NTM: variants seen among roughly 807,000 people sequenced by gnomAD.
The protein encoded by NTM is IgLON family member 2.
In NTM, 13 loss-of-function variants were observed where a neutral mutation model predicts 42.1. That is an observed-to-expected ratio of 0.31 (90% CI 0.20 to 0.49). The LOEUF is 0.49. NTM is among the 20% of genes least tolerant of loss of function. The pLI is 0.99. For synonymous variants in NTM, 187 were observed against 179.2 expected (o/e 1.04, Z -0.35); for missense variants, 373 against 452.8 (o/e 0.82, Z 1.60).
intron 1 of NTM, among the ~76,000 whole-genome samples, chr11:131,593,291 C>T (rs1274854324): frequency 6.6e-6 from 1 of 152,154 alleles, no homozygotes; most frequent in African/African-American, 2.4e-5. Flanking sequence ...CTGGAGATTA[C>T]AGGGAGAATT....
chr11:131,560,391 T>G (rs901784101), intron 1 of NTM, among the ~76,000 whole-genome samples: 1 of 152,182 alleles, frequency 6.6e-6, no homozygotes, highest in Non-Finnish European at 1.5e-5. Flanking sequence ...GTAGCCAGAA[T>G]ATATGTTCCA....
chr11:131,416,529 C>G (rs1946976229), intron 1 of NTM, among the ~76,000 whole-genome samples: 1 of 152,150 alleles, frequency 6.6e-6, no homozygotes. Context: ...ATTTTCTACT[C>G]ACTATGCTTG....
At chr11:131,738,187 G>A (rs1477263500) in intron 1 of NTM, among the ~76,000 whole-genome samples, 1 of 152,152 alleles carries the variant, frequency 6.6e-6, no homozygotes, top group African/African-American at 2.4e-5. Context: ...TCTTCTTTTG[G>A]ATGGACATGT....
At chr11:131,794,079 G>A (rs2091273901) in intron 1 of NTM, among the ~76,000 whole-genome samples, 1 of 152,164 alleles carries the variant, frequency 6.6e-6, no homozygotes, top group Admixed American at 6.5e-5. Context: ...CTGAACTCAT[G>A]GACGGTTCTC....
intron 1 of NTM, among the ~76,000 whole-genome samples, chr11:131,633,126 A>G (rs1348420307): frequency 6.6e-6 from 1 of 152,188 alleles, no homozygotes; most frequent in Non-Finnish European, 1.5e-5. Context: ...TGTTTGAAGC[A>G]CATCTTAATG....
At chr11:131,735,907 C>G (rs1202317132) in intron 1 of NTM, among the ~76,000 whole-genome samples, 1 of 151,774 alleles carries the variant, frequency 6.6e-6, no homozygotes, top group Non-Finnish European at 1.5e-5. Flanking sequence ...TGCTTTGTCT[C>G]ACTGCAACCT....
chr11:131,628,486 A>G (rs1263375653), intron 1 of NTM, among the ~76,000 whole-genome samples: 2 of 152,216 alleles, frequency 1.3e-5, no homozygotes, highest in African/African-American at 4.8e-5. Context: ...TTTAGGTAGA[A>G]TCACGAGTGT....
chr11:132,186,344 C>T (rs1341005283), intron 3 of NTM, among the ~76,000 whole-genome samples: 1 of 152,174 alleles, frequency 6.6e-6, no homozygotes, highest in Non-Finnish European at 1.5e-5. Context: ...CAGTGGATGG[C>T]CAGCCCCTAT....
chr11:132,132,657 T>G (rs1347087322), intron 2 of NTM, among the ~76,000 whole-genome samples: 1 of 152,190 alleles, frequency 6.6e-6, no homozygotes, highest in East Asian at 1.9e-4. Flanking sequence ...AATACTTACA[T>G]GGACCCTCAT....
intron 2 of NTM, among the ~76,000 whole-genome samples, chr11:132,084,726 G>T (rs1443625837): frequency 6.6e-6 from 1 of 152,202 alleles, no homozygotes; most frequent in Non-Finnish European, 1.5e-5. Context: ...TCCAAAAAAT[G>T]TCTCCTGTCT....
chr11:131,683,940 C>T (rs1430957294), intron 1 of NTM, among the ~76,000 whole-genome samples: 4 of 152,112 alleles, frequency 2.6e-5, no homozygotes, highest in South Asian at 2.1e-4. Context: ...TTAGAAAGGG[C>T]GTTCTGAAGG....
chr11:131,670,970 C>T (rs75531585), intron 1 of NTM, among the ~76,000 whole-genome samples: 363 of 152,250 alleles, frequency 2.4e-3, no homozygotes, highest in African/African-American at 8.1e-3. Context: ...TGAAAACAGA[C>T]GTCCTTCCCT....
Position 132,152,103 on chromosome 11 carries a change from C to T in NTM, c.400+5589C>T, listed in dbSNP as rs575789237. ...GTAGCTACACCCTAGAGACCCCTCC[C>T]CACTCTGAATCTGAACTGAAGGTAA... is the stretch of plus-strand genomic sequence containing the variant. On this transcript the variant is annotated intron_variant, in intron 3 of 8. Coordinates refer to ENST00000683400, the MANE Select transcript of NTM (RefSeq NM_001352005.2). Among the ~76,000 whole-genome samples, 7 of 152,314 alleles carry T rather than the reference C, an allele frequency of 4.6e-5. No individual in the cohort carries two copies. In the South Asian group the frequency reaches 1.2e-3, roughly 27 times the overall value.
chr11:131,699,918 G>A (rs1388163886), intron 1 of NTM, among the ~76,000 whole-genome samples: 1 of 82,060 alleles, frequency 1.2e-5, no homozygotes, highest in African/African-American at 7.0e-5. Context: ...AGGTGTGTGT[G>A]TGTGTGTGTG....
At chr11:131,515,491 G>T (rs1231512812) in intron 1 of NTM, among the ~76,000 whole-genome samples, 2 of 152,154 alleles carry the variant, frequency 1.3e-5, no homozygotes, top group African/African-American at 4.8e-5. Context: ...GTTACATGTT[G>T]GGGATAATTG....
At chr11:131,796,374 T>C (rs1459293162) in intron 1 of NTM, 2 of 154,436 alleles carry the variant, frequency 1.3e-5, no homozygotes, top group African/African-American at 4.8e-5. Context: ...GCATTGCTGC[T>C]GCTGCTGGTT....
chr11:131,886,644 C>T (rs2050450237), intron 1 of NTM, among the ~76,000 whole-genome samples: 1 of 152,164 alleles, frequency 6.6e-6, no homozygotes, highest in Non-Finnish European at 1.5e-5. Context: ...TTCTGTTTCC[C>T]AGGTGCAGGG....
intron 2 of NTM, chr11:131,984,684 A>G (rs1011258701): frequency 2.6e-5 from 4 of 152,328 alleles, no homozygotes; most frequent in African/African-American, 9.6e-5. Context: ...AAGGAAAATC[A>G]TAGTTTTTCA....
At chr11:132,113,902 A>G (rs1242398388) in intron 2 of NTM, among the ~76,000 whole-genome samples, 1 of 152,130 alleles carries the variant, frequency 6.6e-6, no homozygotes, top group Non-Finnish European at 1.5e-5. Context: ...TTTCAGCCCC[A>G]CTGATGGCTG....
Sources: allele counts gnomAD v4.1 joint callset (sites outside exome capture counted in the v4.1 genomes callset), GRCh38; gene constraint gnomAD v4.1.1; transcripts MANE v1.5; gene names NCBI Gene and HGNC (gene_info 2026-07-23, HGNC 2026-07-21).